TTC7A: variants seen among roughly 807,000 people sequenced by gnomAD.
The protein encoded by TTC7A is tetratricopeptide repeat domain 7A, also known as tetratricopeptide repeat protein 7A.
Under a neutral mutation model 103.7 loss-of-function variants are expected in TTC7A, and 110 were observed. The observed-to-expected ratio is 1.06, with a 90% CI of 0.91 to 1.24. The LOEUF (loss-of-function observed/expected upper bound fraction) is 1.24, where lower values mean the gene tolerates loss of function less well. Ranked by LOEUF, TTC7A falls within the 50% of genes most tolerant of loss-of-function variation. TTC7A has a pLI of 0.00. For synonymous variants in TTC7A, 521 were observed against 467.9 expected, an observed-to-expected ratio of 1.11 and a Z score of -1.47; for missense variants, 1,340 against 1,116.3, an observed-to-expected ratio of 1.20 and a Z score of -2.86.
intron 18 of TTC7A, among the ~76,000 whole-genome samples, chr2:47,053,022 A>G (rs1683000185): frequency 6.6e-6 from 1 of 152,196 alleles, no homozygotes; most frequent in Non-Finnish European, 1.5e-5. Flanking sequence ...CATACGGCAC[A>G]TTAGTATGCA....
At chr2:46,956,511 T>C (rs2278450) in intron 2 of TTC7A, 202,019 of 273,402 alleles carry the variant, frequency 0.74, 75,112 homozygotes, top group Middle Eastern at 0.8. Flanking sequence ...GAGTGCCCCC[T>C]GGGGCTGCAG....
intron 15 of TTC7A, among the ~76,000 whole-genome samples, chr2:47,042,817 A>T (rs1165674695): frequency 6.6e-6 from 1 of 152,182 alleles, no homozygotes; most frequent in Non-Finnish European, 1.5e-5. Flanking sequence ...GTGGGATTGA[A>T]ATAGTTTTTT....
At chr2:47,039,398 A>G (rs1250045637) in intron 15 of TTC7A, among the ~76,000 whole-genome samples, 1 of 152,182 alleles carries the variant, frequency 6.6e-6, no homozygotes, top group Non-Finnish European at 1.5e-5. Context: ...CCCACCAGCA[A>G]GAGTGGTGTG....
intron 16 of TTC7A, among the ~76,000 whole-genome samples, chr2:47,048,358 C>T (rs998136111): frequency 2.6e-5 from 4 of 152,150 alleles, no homozygotes; most frequent in South Asian, 2.1e-4. Context: ...GGCCCCTTCA[C>T]GGGATGGGAG....
At chr2:47,062,981 C>A (rs1464420454) in intron 19 of TTC7A, among the ~76,000 whole-genome samples, 2 of 152,246 alleles carry the variant, frequency 1.3e-5, no homozygotes, top group Non-Finnish European at 2.9e-5. Context: ...AGGCTCTGTT[C>A]CTGCCAGCAT....
chr2:46,981,874 A>T (rs1454695317), intron 5 of TTC7A, among the ~76,000 whole-genome samples: 2 of 152,232 alleles, frequency 1.3e-5, no homozygotes, highest in African/African-American at 4.8e-5. Context: ...CAGAATGTGG[A>T]ACAGGCTGTG....
Position 47,023,366 on chromosome 2 carries a change from C to T in TTC7A, c.1511-42C>T, listed in dbSNP as rs116113012. 6.6e-4 allele frequency: 1,063 copies of T among 1,610,364 alleles called. 6 individuals are homozygous for T. In the African/African-American group the frequency reaches 0.011, roughly 17 times the overall value. On this transcript the variant is annotated intron_variant, in intron 12 of 19. Coordinates refer to ENST00000319190, the MANE Select transcript of TTC7A (RefSeq NM_020458.4). ...GGTGCAGGGCTGGGCCGGCACCCTT[C>T]AGTGACCCCTGATGGCTCAGTTTCT... is the stretch of plus-strand genomic sequence containing the variant.
intron 3 of TTC7A, among the ~76,000 whole-genome samples, chr2:46,963,995 C>T (rs192903944): frequency 6.6e-5 from 10 of 152,210 alleles, no homozygotes; most frequent in East Asian, 3.9e-4. Flanking sequence ...AACCAGGGTA[C>T]GGTTATGAAA....
At chr2:47,054,079 A>C (rs1310763598) in intron 18 of TTC7A, 8 of 981,032 alleles carry the variant, frequency 8.2e-6, no homozygotes, top group Non-Finnish European at 8.5e-6. Context: ...TTCTTTGGTC[A>C]TTGTCTTAGA....
chr2:47,047,140 G>T, intron 16 of TTC7A: 1 of 627,962 alleles, frequency 1.6e-6, no homozygotes, highest in Non-Finnish European at 2.8e-6. Context: ...AAGGGAAAGT[G>T]GGCCTCCTTC....
At chr2:46,991,269 T>C (rs1007406088) in intron 5 of TTC7A, among the ~76,000 whole-genome samples, 9 of 152,064 alleles carry the variant, frequency 5.9e-5, no homozygotes, top group African/African-American at 2.2e-4. Context: ...GAATTTGCAT[T>C]TCTAACAAGT....
At chr2:47,062,572 G>C (rs1191821387) in intron 19 of TTC7A, among the ~76,000 whole-genome samples, 1 of 152,194 alleles carries the variant, frequency 6.6e-6, no homozygotes, top group Admixed American at 6.5e-5. Context: ...GGGAGGGAGG[G>C]TGTGGGCTAT....
At chr2:47,026,109 CA>C (rs1679886947) in intron 14 of TTC7A, among the ~76,000 whole-genome samples, 1 of 152,218 alleles carries the variant, frequency 6.6e-6, no homozygotes, top group African/African-American at 2.4e-5. Context: ...CTCATTTTGG[CA>C]GCCTCAGGGA....
chr2:47,020,224 CCA>C (rs1331103169), intron 11 of TTC7A, among the ~76,000 whole-genome samples: 1 of 152,198 alleles, frequency 6.6e-6, no homozygotes, highest in African/African-American at 2.4e-5. Context: ...AAACTGAGCC[CCA>C]CAGCTGTCAG....
intron 2 of TTC7A, among the ~76,000 whole-genome samples, chr2:46,934,236 C>T (rs1669851331): frequency 6.6e-6 from 1 of 152,136 alleles, no homozygotes; most frequent in South Asian, 2.1e-4. Context: ...CAGAAGTTTT[C>T]AGAAGAAACC....
At chr2:46,916,086 C>A (rs1431293782), upstream of TTC7A, 4 of 985,408 alleles carry the variant, frequency 4.1e-6, no homozygotes, top group Non-Finnish European at 4.8e-6. Flanking sequence ...GAACGTAGTT[C>A]CACGGGCGAC....
chr2:47,062,873 T>G (rs907981901), intron 19 of TTC7A, among the ~76,000 whole-genome samples: 4 of 152,158 alleles, frequency 2.6e-5, no homozygotes, highest in Non-Finnish European at 5.9e-5. Flanking sequence ...GCTGATTTGA[T>G]GAAATTAGAG....
chr2:46,944,145 G>C (rs1181535872), intron 1 of TTC7A, among the ~76,000 whole-genome samples: 2 of 152,014 alleles, frequency 1.3e-5, no homozygotes, highest in Non-Finnish European at 2.9e-5. Flanking sequence ...TGCTGTGCTG[G>C]GGTTTGTTCA....
chr2:46,976,640 A>G (rs1489863387), intron 4 of TTC7A, among the ~76,000 whole-genome samples: 2 of 152,142 alleles, frequency 1.3e-5, no homozygotes, highest in African/African-American at 2.4e-5. Context: ...TGCTGTTGAC[A>G]TTTGGGGCTG....
Sources: gnomAD v4.1 joint callset for allele counts (sites outside exome capture counted in the v4.1 genomes callset) on GRCh38, gnomAD v4.1.1 for gene constraint, MANE v1.5 for transcripts, NCBI Gene and HGNC (gene_info 2026-07-23, HGNC 2026-07-21) for gene names.